The following NLGN4X variants were observed in gnomAD, a reference collection of about 807,000 sequenced individuals.
NLGN4X encodes neuroligin-4, X-linked.
In NLGN4X, 3 loss-of-function variants were observed where a neutral mutation model predicts 40.3. The ratio of observed to expected loss-of-function variants is 0.07; its 90% CI spans 0.03 to 0.19. The LOEUF is 0.19. Ranked by LOEUF, NLGN4X falls within the 10% of genes least tolerant of loss-of-function variation. NLGN4X has a pLI of 1.00. For synonymous variants in NLGN4X, 270 were observed against 306.8 expected, an observed-to-expected ratio of 0.88 and a Z score of 1.25; for missense variants, 382 against 708.3, an observed-to-expected ratio of 0.54 and a Z score of 5.23.
chrX:6,134,453 C>T (rs972313457), intron 2 of NLGN4X, among the ~76,000 whole-genome samples: 1 of 111,561 alleles, frequency 9.0e-6, no homozygotes, highest in South Asian at 3.8e-4. Context: ...CCCAGATGTT[C>T]TCACATCTCC....
chrX:5,924,287 G>A (rs886711059), intron 3 of NLGN4X, among the ~76,000 whole-genome samples: 2 of 109,792 alleles, frequency 1.8e-5, no homozygotes, highest in Non-Finnish European at 3.8e-5. Context: ...GATCCTATTA[G>A]GTTCAACATA....
At chrX:6,210,106 GGCCTCTCTTTA>G (rs1924438970) in intron 1 of NLGN4X, among the ~76,000 whole-genome samples, 1 of 111,200 alleles carries the variant, frequency 9.0e-6, no homozygotes, top group Non-Finnish European at 1.9e-5. Context: ...CTCCCTCTTT[GGCCTCTCTTTA>G]GCCTCTATCA....
At chrX:6,002,605 G>A (rs976171813) in intron 3 of NLGN4X, among the ~76,000 whole-genome samples, 2 of 112,179 alleles carry the variant, frequency 1.8e-5, no homozygotes, top group Non-Finnish European at 3.8e-5. Context: ...ATACAAAACC[G>A]ATAGGGACAG....
chrX:5,942,502 C>T (rs1363365907), intron 3 of NLGN4X, among the ~76,000 whole-genome samples: 2 of 110,224 alleles, frequency 1.8e-5, no homozygotes, highest in Middle Eastern at 4.7e-3. Context: ...GCCAACATGG[C>T]GAAACCTCGT....
intron 3 of NLGN4X, among the ~76,000 whole-genome samples, chrX:5,914,438 G>A (rs1433332488): frequency 9.0e-6 from 1 of 110,991 alleles, no homozygotes; most frequent in Non-Finnish European, 1.9e-5. Context: ...GTTACATGAC[G>A]TTAAAGCTGC....
At chrX:5,918,476 C>T (rs2032898567) in intron 3 of NLGN4X, among the ~76,000 whole-genome samples, 1 of 111,570 alleles carries the variant, frequency 9.0e-6, no homozygotes, top group Admixed American at 9.5e-5. Context: ...TAGCTAAAAT[C>T]CCAGTGGAAT....
At chrX:6,087,843 C>T (rs1445673364) in intron 2 of NLGN4X, among the ~76,000 whole-genome samples, 2 of 112,312 alleles carry the variant, frequency 1.8e-5, no homozygotes, top group Non-Finnish European at 3.8e-5. Context: ...ACTTTCTTTA[C>T]ATATGAATGA....
chrX:6,218,758 T>C (rs942303449), intron 1 of NLGN4X, among the ~76,000 whole-genome samples: 1 of 111,996 alleles, frequency 8.9e-6, no homozygotes, highest in African/African-American at 3.2e-5. Flanking sequence ...TACTTCTTTC[T>C]GCTCTGTGTC....
chrX:6,128,725 G>A (rs997433771), intron 2 of NLGN4X, among the ~76,000 whole-genome samples: 4 of 112,232 alleles, frequency 3.6e-5, no homozygotes, highest in East Asian at 5.6e-4. Flanking sequence ...TACCATGTTC[G>A]CTACCTGGGT....
At chrX:6,021,108 C>G (rs112904449) in intron 3 of NLGN4X, among the ~76,000 whole-genome samples, 38 of 86,408 alleles carry the variant, frequency 4.4e-4, no homozygotes, top group South Asian at 1.6e-3. Flanking sequence ...CTCCCTCTCT[C>G]TTTCTTTCTT....
rs1288447523 is a variant in NLGN4X, at chrX:6,089,479, GT to G, written c.473-60048del. Among the ~76,000 whole-genome samples the G allele has an allele frequency of 8.9e-5, 10 of 112,471 alleles. No homozygotes were observed. The Admixed American group carries it at 9.4e-4, about 11-fold the overall frequency. On this transcript the variant is annotated intron_variant, in intron 2 of 5. Coordinates refer to ENST00000381095, the MANE Select transcript of NLGN4X (RefSeq NM_181332.3). The stretch of plus-strand genomic sequence containing the variant: ...CACAGCAGGTGTTCAATAAATAACA[GT>G]TAAATTAAGAGACAGAGGAATTGTG...
intron 3 of NLGN4X, among the ~76,000 whole-genome samples, chrX:5,944,241 A>G (rs1427236822): frequency 9.0e-6 from 1 of 111,559 alleles, no homozygotes; most frequent in Non-Finnish European, 1.9e-5. Context: ...AGAAACTTGC[A>G]TATCTTCCTA....
intron 1 of NLGN4X, among the ~76,000 whole-genome samples, chrX:6,173,464 A>G (rs2040652458): frequency 8.9e-6 from 1 of 111,954 alleles, no homozygotes. Flanking sequence ...AACCAAAAAA[A>G]GATGACCTCA....
Position 5,903,772 on chromosome X carries a change from G to C in NLGN4X, c.906C>G (p.Asp302Glu). The change falls in exon 5 of 6, where the codon GAC (aspartate) becomes GAG (glutamate). Residue 302 changes from aspartate (D) to glutamate (E), a missense_variant. Physicochemically the swap from Asp to Glu is conservative, Grantham distance 45 (BLOSUM62 2). Around this residue, in one of 5 missense-constraint regions of NLGN4X, gnomAD observed 29 missense variants for 32.1 expected, o/e 0.90. Coordinates refer to ENST00000381095, the MANE Select transcript of NLGN4X (RefSeq NM_181332.3). Reference sequence around the variant, plus strand: ...TGTCCAGCATGTTGCAGCCGACCTTGTCTGCCAATATCCGAGTGTACTTGG... The same window carrying C: ...TGTCCAGCATGTTGCAGCCGACCTTCTCTGCCAATATCCGAGTGTACTTGG... ...QPAKYTRILA[D>E]KVGCNMLDTT... 8.3e-7 allele frequency: 1 copy of C among 1,211,967 alleles called. No individual in the cohort carries two copies. The highest frequency in any genetic ancestry group is 1.1e-6 in the Non-Finnish European group (1 of 895,595).
At chrX:6,193,493 A>AAAAAAAAAAAAAAAAAAAGG (rs1556002837) in intron 1 of NLGN4X, among the ~76,000 whole-genome samples, 1 of 19,775 alleles carries the variant, frequency 5.1e-5, no homozygotes, top group African/African-American at 2.0e-4. Context: ...TTCCCTATTT[A>AAAAAAAAAAAAAAAAAAAGG]AAAAAAAAAA....
intron 2 of NLGN4X, among the ~76,000 whole-genome samples, chrX:6,096,478 T>TA (rs979192012): frequency 5.4e-5 from 6 of 110,337 alleles, no homozygotes; most frequent in African/African-American, 1.6e-4. Flanking sequence ...TATGCACCTT[T>TA]AAAAAAAAAT....
rs148008271 is a variant in NLGN4X at position 6,151,080 on chromosome X, G to A, written c.387C>T (p.Thr129=). The change falls in exon 2 of 6, where the codon ACC becomes ACT. Residue 129 remains threonine (T), a synonymous_variant. Transcript: ENST00000381095. ...AGGTCATCAAAGTATCCAAATTGGC[G>A]GTAAACCAGATGGGCAGCATGTCAT... ...LLHDMLPIWF[T]ANLDTLMTYV... is the part of the protein sequence containing the mutation. The A allele has an allele frequency of 5.8e-5, 70 of 1,210,081 alleles. No homozygotes were observed. The African/African-American group carries it at 5.9e-4, about 10-fold the overall frequency.
Position 5,890,612 on chromosome X carries a change from G to T in NLGN4X, c.*2205C>A. ...GCCTATTTGTGGTTGCTCAGGTGGG[G>T]TCATACATTGCTTGCAGAAATGGCC... On this transcript the variant is annotated 3_prime_UTR_variant, in exon 6 of 6. Coordinates refer to ENST00000381095, the MANE Select transcript of NLGN4X (RefSeq NM_181332.3). 3.0e-6 allele frequency: 1 copy of T among 328,193 alleles called. No individual in the cohort carries two copies. The highest frequency in any genetic ancestry group is 9.7e-5 in the East Asian group (1 of 10,267). The allele number at this position is 328,193 out of a possible 1,213,427, so 27.0% of individuals were successfully genotyped here.
rs1921123557 is a variant in NLGN4X at position 6,179,099 on chromosome X, A to AAGGAAGGAAGGAAGG, written c.-305-27329_-305-27328insCCTTCCTTCCTTCCT. On this transcript the variant is annotated intron_variant, in intron 1 of 5. Coordinates refer to ENST00000381095, the MANE Select transcript of NLGN4X (RefSeq NM_181332.3). ...GAGCGACAAAGCAAGACCCTGAAAA[A>AAGGAAGGAAGGAAGG]AAGGAAGGAAGGAAGGAAGGAAGGA... Among the ~76,000 whole-genome samples the AAGGAAGGAAGGAAGG allele has an allele frequency of 2.9e-4, 23 of 78,202 alleles. 1 individual carries two copies. Among genetic ancestry groups the AAGGAAGGAAGGAAGG allele is most frequent in the African/African-American group, 1.4e-3 (22 of 15,739 alleles). 67.9% of individuals were successfully genotyped at this position (78,202 alleles called of 115,157 possible). A position where few individuals can be genotyped will look rare whatever the true frequency, so the allele number is the denominator to read the frequency against.
Sources: gnomAD v4.1 joint callset for allele counts (sites outside exome capture counted in the v4.1 genomes callset) on GRCh38, gnomAD v4.1.1 for gene constraint, gnomAD v4.1.1 regional missense constraint, MANE v1.5 for transcripts, NCBI Gene and HGNC (gene_info 2026-07-23, HGNC 2026-07-21) for gene names.